Variants in CCSER1 observed in about 807,000 individuals in gnomAD.
The protein encoded by CCSER1 is serine-rich coiled-coil domain-containing protein 1.
Under a neutral mutation model 82.0 loss-of-function variants are expected in CCSER1, and 41 were observed. The ratio of observed to expected loss-of-function variants is 0.50; its 90% confidence interval spans 0.39 to 0.65. CCSER1 has a LOEUF of 0.65. CCSER1 is among the 30% of genes least tolerant of loss of function. The pLI is 0.00. For missense variants in CCSER1, 1,119 were observed against 1,064.2 expected (o/e 1.05, Z -0.72); for synonymous variants, 414 against 383.9 (o/e 1.08, Z -0.92).
chr4:90,922,649 A>G (rs1380122903), intron 8 of CCSER1, among the ~76,000 whole-genome samples: 2 of 152,068 alleles, frequency 1.3e-5, no homozygotes, highest in Admixed American at 1.3e-4. Context: ...ATAAAATGTG[A>G]TCAAGTGAGT....
chr4:90,163,461 G>A (rs1051775609), intron 1 of CCSER1, among the ~76,000 whole-genome samples: 10 of 152,150 alleles, frequency 6.6e-5, no homozygotes, highest in African/African-American at 2.2e-4. Context: ...TTTTGATCAC[G>A]AAATTTGTTA....
At chr4:90,887,445 A>G (rs1033620476) in intron 8 of CCSER1, among the ~76,000 whole-genome samples, 2 of 152,140 alleles carry the variant, frequency 1.3e-5, no homozygotes, top group Non-Finnish European at 2.9e-5. Context: ...TTCTTGGGCA[A>G]TTTGTTACAG....
At chr4:90,604,966 G>C (rs181431931) in intron 5 of CCSER1, among the ~76,000 whole-genome samples, 1 of 151,934 alleles carries the variant, frequency 6.6e-6, no homozygotes, top group African/African-American at 2.4e-5. Flanking sequence ...AATAAAAGCA[G>C]GCTGCCCCAG....
chr4:90,649,902 T>C (rs1728401589), intron 6 of CCSER1, among the ~76,000 whole-genome samples: 1 of 152,024 alleles, frequency 6.6e-6, no homozygotes. Flanking sequence ...GTCGGGAGTT[T>C]GAGACCAGCC....
intron 8 of CCSER1, among the ~76,000 whole-genome samples, chr4:90,822,998 T>C (rs1759963633): frequency 6.7e-6 from 1 of 149,640 alleles, no homozygotes; most frequent in African/African-American, 2.5e-5. Context: ...TTTACTAACA[T>C]TACAACATCT....
intron 10 of CCSER1, among the ~76,000 whole-genome samples, chr4:91,481,605 A>G (rs1757920315): frequency 6.6e-6 from 1 of 152,204 alleles, no homozygotes; most frequent in Middle Eastern, 3.2e-3. Flanking sequence ...ATTGCAAGCT[A>G]TTCCACAAAA....
chr4:91,029,545 C>CG lies in CCSER1; in HGVS notation c.2173-56402dup, dbSNP rs539030278. On this transcript the variant is annotated intron_variant, in intron 9 of 10. Coordinates refer to ENST00000509176, the MANE Select transcript of CCSER1 (RefSeq NM_001145065.2). ...ATGAAAGTTATCCTCATTTTAAAAACGGGTGTGTCCATGACCTGCCTAAGT... is the reference window on the plus strand; with the variant it reads ...ATGAAAGTTATCCTCATTTTAAAAACGGGGTGTGTCCATGACCTGCCTAAGT... Among the ~76,000 whole-genome samples the CG allele has an allele frequency of 1.1e-4, 16 of 152,040 alleles. 1 individual carries two copies. The South Asian group carries it at 3.3e-3, about 32-fold the overall frequency.
intron 6 of CCSER1, among the ~76,000 whole-genome samples, chr4:90,709,515 A>G (rs1740078147): frequency 6.6e-6 from 1 of 152,160 alleles, no homozygotes; most frequent in Admixed American, 6.6e-5. Flanking sequence ...GGTCCCACTT[A>G]AAAGTGAGAA....
intron 10 of CCSER1, among the ~76,000 whole-genome samples, chr4:91,216,169 C>T (rs1299011110): frequency 6.6e-6 from 1 of 152,154 alleles, no homozygotes; most frequent in African/African-American, 2.4e-5. Flanking sequence ...GTCAGACCTG[C>T]AGCTGGTCAA....
chr4:90,217,979 G>T (rs917828785), intron 1 of CCSER1, among the ~76,000 whole-genome samples: 1 of 151,596 alleles, frequency 6.6e-6, no homozygotes, highest in Non-Finnish European at 1.5e-5. Context: ...AATTTTTATT[G>T]TATGTAGGTG....
intron 10 of CCSER1, among the ~76,000 whole-genome samples, chr4:91,371,329 G>A (rs1750032026): frequency 6.7e-6 from 1 of 148,150 alleles, no homozygotes; most frequent in Non-Finnish European, 1.5e-5. Flanking sequence ...ACCTTTCTCA[G>A]CCTCTGCTAA....
At chr4:91,025,096 T>A (rs1740372193) in intron 9 of CCSER1, among the ~76,000 whole-genome samples, 1 of 152,178 alleles carries the variant, frequency 6.6e-6, no homozygotes, top group East Asian at 1.9e-4. Flanking sequence ...TACAGCTTTT[T>A]ACAAAGCCTT....
At chr4:91,223,677 G>A (rs948331417) in intron 10 of CCSER1, among the ~76,000 whole-genome samples, 4 of 152,010 alleles carry the variant, frequency 2.6e-5, no homozygotes, top group African/African-American at 7.2e-5. Flanking sequence ...GGCAAATGGT[G>A]GGAAGATTTG....
intron 10 of CCSER1, among the ~76,000 whole-genome samples, chr4:91,389,748 C>G (rs1355876867): frequency 6.6e-6 from 1 of 151,916 alleles, no homozygotes; most frequent in African/African-American, 2.4e-5. Context: ...TCTCTTTGAT[C>G]TATTTCTCAA....
intron 5 of CCSER1, among the ~76,000 whole-genome samples, chr4:90,534,855 T>G (rs1775117853): frequency 6.6e-6 from 1 of 152,214 alleles, no homozygotes; most frequent in South Asian, 2.1e-4. Context: ...GCATACCATC[T>G]GCATTTAAGG....
In CCSER1 at chr4:90,760,676, G is replaced by T. The variant is rs994489399; in HGVS notation, c.2010+36685G>T. Reference sequence around the variant, plus strand: ...TCATTAAGGAACCAAATAGTCTAGTGATTAAAAATACAGGTTTTAGAAATA... The same window carrying T: ...TCATTAAGGAACCAAATAGTCTAGTTATTAAAAATACAGGTTTTAGAAATA... On this transcript the variant is annotated intron_variant, in intron 7 of 10. Transcript: ENST00000509176. 2.0e-5 allele frequency among the ~76,000 whole-genome samples: 3 copies of T among 152,010 alleles called. No individual in the cohort carries two copies. The South Asian group carries it at 6.2e-4, about 31-fold the overall frequency.
chr4:90,154,538 A>G (rs371715150), intron 1 of CCSER1, among the ~76,000 whole-genome samples: 164 of 147,066 alleles, frequency 1.1e-3, no homozygotes, highest in Non-Finnish European at 1.6e-3. Context: ...ATTTGTTTGT[A>G]TCCTCTTTTA....
chr4:90,626,269 TA>T (rs1723245261), intron 5 of CCSER1, among the ~76,000 whole-genome samples: 1 of 152,102 alleles, frequency 6.6e-6, no homozygotes, highest in Non-Finnish European at 1.5e-5. Context: ...CAGCCTAATA[TA>T]TGCCAAATAG....
At chr4:91,257,523 A>C (rs6836541) in intron 10 of CCSER1, among the ~76,000 whole-genome samples, 33,604 of 149,836 alleles carry the variant, frequency 0.22, 4,334 homozygotes, top group African/African-American at 0.35. Flanking sequence ...ATATCTAGAA[A>C]CATATCCTAA....
Sources: allele counts gnomAD v4.1 joint callset (sites outside exome capture counted in the v4.1 genomes callset), GRCh38; gene constraint gnomAD v4.1.1; transcripts MANE v1.5; gene names NCBI Gene and HGNC (gene_info 2026-07-23, HGNC 2026-07-21).